The following CSPP1 variants were observed in gnomAD, a reference collection of about 807,000 sequenced individuals.
CSPP1 encodes the protein centrosome and spindle pole-associated protein 1.
In CSPP1, 126 loss-of-function variants were observed where a neutral mutation model predicts 164.4. The observed-to-expected ratio is 0.77, with a 90% CI of 0.66 to 0.89. CSPP1 has a LOEUF of 0.89. Ranked by LOEUF, CSPP1 falls within the 40% of genes least tolerant of loss-of-function variation. The pLI is 0.00. For synonymous variants in CSPP1, 472 were observed against 476.7 expected (o/e 0.99, Z 0.13); for missense variants, 1,395 against 1,449.8 (o/e 0.96, Z 0.61).
intron 28 of CSPP1, among the ~76,000 whole-genome samples, chr8:67,184,733 T>TAA (rs1563780112): frequency 7.5e-6 from 1 of 133,598 alleles, no homozygotes; most frequent in South Asian, 2.3e-4. Flanking sequence ...AAAAAAATAA[T>TAA]AATAAAAAAA....
Position 67,149,953 on chromosome 8 carries a change from T to C in CSPP1, c.2128+18T>C, listed in dbSNP as rs2129558036. 1 of 1,452,734 alleles carries C rather than the reference T, an allele frequency of 6.9e-7. No homozygotes were observed. Among genetic ancestry groups the C allele is most frequent in the Non-Finnish European group, 9.1e-7 (1 of 1,093,430 alleles). The allele number at this position is 1,452,734 out of a possible 1,614,324, so 90.0% of individuals were successfully genotyped here. On this transcript the variant is annotated intron_variant, in intron 18 of 30. Coordinates refer to ENST00000678616, the MANE Select transcript of CSPP1 (RefSeq NM_001382391.1). ...AAGCTCAGGTTTTTAATCACTTTTT[T>C]TTTTTTTTTTTTTTTTTTACATTTC... is the stretch of plus-strand genomic sequence containing the variant.
intron 9 of CSPP1, among the ~76,000 whole-genome samples, chr8:67,108,470 A>T (rs1034560660): frequency 6.6e-6 from 1 of 151,754 alleles, no homozygotes; most frequent in Admixed American, 6.6e-5. Context: ...TCCTTAATGA[A>T]TTTTATCTGC....
chr8:67,179,114 G>A (rs1285876443), intron 27 of CSPP1, among the ~76,000 whole-genome samples: 1 of 152,180 alleles, frequency 6.6e-6, no homozygotes, highest in African/African-American at 2.4e-5. Flanking sequence ...GTAAGAAGGT[G>A]CAGGGAGGTG....
At chr8:67,087,450 A>T (rs932360802) in intron 4 of CSPP1, among the ~76,000 whole-genome samples, 5 of 152,210 alleles carry the variant, frequency 3.3e-5, no homozygotes, top group Non-Finnish European at 7.4e-5. Flanking sequence ...AGTTGTAGAG[A>T]TAGCATTCAT....
chr8:67,188,043 T>G (rs1179737899), intron 28 of CSPP1, among the ~76,000 whole-genome samples: 1 of 152,102 alleles, frequency 6.6e-6, no homozygotes, highest in Non-Finnish European at 1.5e-5. Flanking sequence ...TTTGTAAAAA[T>G]TTAAAACCTG....
intron 29 of CSPP1, 33 bp from the exon 30 acceptor site, chr8:67,193,425 GTGTTAA>G: frequency 6.3e-7 from 1 of 1,583,658 alleles, no homozygotes. Flanking sequence ...AACATATTTT[GTGTTAA>G]TGACTTTCTG....
chr8:67,184,135 G>A (rs1245214934), intron 28 of CSPP1, among the ~76,000 whole-genome samples: 1 of 152,168 alleles, frequency 6.6e-6, no homozygotes, highest in African/African-American at 2.4e-5. Flanking sequence ...TTATAGGCGT[G>A]AGCCACTGCG....
In CSPP1 at chr8:67,196,425, T is replaced by C. The variant is rs1385303406; in HGVS notation, c.*832T>C. Among the ~76,000 whole-genome samples the C allele has an allele frequency of 6.6e-6, 1 of 152,146 alleles. No individual in the cohort carries two copies. The highest frequency in any genetic ancestry group is 1.5e-5 in the Non-Finnish European group (1 of 68,038). The stretch of plus-strand genomic sequence containing the variant: ...AGTTTTCTAATCACTCAGTAAGTGA[T>C]ACTTCTAAAAAAGGAAAGAGTCATT... On this transcript the variant is annotated 3_prime_UTR_variant, in exon 31 of 31. Coordinates refer to ENST00000678616, the MANE Select transcript of CSPP1 (RefSeq NM_001382391.1).
chr8:67,091,489 G>T (rs1234543353), intron 4 of CSPP1, among the ~76,000 whole-genome samples: 1 of 152,192 alleles, frequency 6.6e-6, no homozygotes, highest in Non-Finnish European at 1.5e-5. Flanking sequence ...AAGAGTACAT[G>T]CTTAGAAGAC....
At chr8:67,195,107 T>C (rs1837619178) in intron 30 of CSPP1, among the ~76,000 whole-genome samples, 2 of 152,216 alleles carry the variant, frequency 1.3e-5, no homozygotes, top group African/African-American at 4.8e-5. Flanking sequence ...GCCTTTGATA[T>C]GCTTAGAATC....
At chr8:67,141,032 A>C (rs185140351) in intron 17 of CSPP1, among the ~76,000 whole-genome samples, 1 of 152,252 alleles carries the variant, frequency 6.6e-6, no homozygotes. Flanking sequence ...TCTTTGCTAC[A>C]GTAAATTTAA....
At chr8:67,129,739 A>G (rs572039344) in intron 15 of CSPP1, among the ~76,000 whole-genome samples, 19 of 152,236 alleles carry the variant, frequency 1.2e-4, no homozygotes, top group Admixed American at 6.5e-5. Flanking sequence ...ATGTTATGCT[A>G]AATGAATCTA....
At chr8:67,102,318 C>T (rs1393412991) in intron 7 of CSPP1, among the ~76,000 whole-genome samples, 8 of 152,028 alleles carry the variant, frequency 5.3e-5, no homozygotes, top group Non-Finnish European at 7.4e-5. Context: ...TATGACAGGT[C>T]GCGGTGGCTC....
intron 3 of CSPP1, among the ~76,000 whole-genome samples, chr8:67,077,372 G>T (rs992970575): frequency 6.6e-6 from 1 of 151,162 alleles, no homozygotes; most frequent in African/African-American, 2.4e-5. Flanking sequence ...GTCTGACCCT[G>T]TCGCCCAGGC....
intron 28 of CSPP1, among the ~76,000 whole-genome samples, chr8:67,183,946 G>A (rs995333298): frequency 5.4e-5 from 8 of 147,740 alleles, no homozygotes; most frequent in African/African-American, 1.5e-4. Context: ...TCCGCCTCCC[G>A]GGTTCAAGCG....
At chr8:67,132,176 CA>C in intron 16 of CSPP1, 96 bp downstream of exon 16, 1 of 1,210,640 alleles carries the variant, frequency 8.3e-7, no homozygotes, top group Non-Finnish European at 1.1e-6. Flanking sequence ...GGAAAAAAAA[CA>C]GTTAATTATA....
intron 8 of CSPP1, among the ~76,000 whole-genome samples, chr8:67,105,173 G>T (rs557227163): frequency 6.6e-6 from 1 of 150,540 alleles, no homozygotes; most frequent in South Asian, 2.1e-4. Flanking sequence ...TTATAGGCGT[G>T]TGCCACCATG....
At position 67,182,565 on chromosome 8, in the gene CSPP1, T is replaced by C. The variant is rs189875851; in HGVS notation, c.3220+2639T>C. On this transcript the variant is annotated intron_variant, in intron 28 of 30. Transcript: ENST00000678616. ...TTAATTATTTGAAGACTCACCACAT[T>C]GTTTTCCACAGCAGCTGTACCATTT... is the stretch of plus-strand genomic sequence containing the variant. Among the ~76,000 whole-genome samples, 82 of 152,350 alleles carry C rather than the reference T, an allele frequency of 5.4e-4. 1 individual carries two copies. The highest frequency in any genetic ancestry group is 1.6e-3 in the African/African-American group (66 of 41,580).
chr8:67,078,567 G>A (rs946216335), intron 3 of CSPP1, among the ~76,000 whole-genome samples: 2 of 152,096 alleles, frequency 1.3e-5, no homozygotes, highest in Non-Finnish European at 2.9e-5. Flanking sequence ...TGTTGCCCAG[G>A]CTGGTCTGGT....
Sources: allele counts gnomAD v4.1 joint callset (sites outside exome capture counted in the v4.1 genomes callset), GRCh38; gene constraint gnomAD v4.1.1; transcripts MANE v1.5; gene names NCBI Gene and HGNC (gene_info 2026-07-23, HGNC 2026-07-21).